The following USP4 variants were observed in gnomAD, a reference collection of about 807,000 sequenced individuals.
The protein encoded by USP4 is ubiquitin specific peptidase 4, also known as ubiquitin carboxyl-terminal hydrolase 4.
In USP4, 72 loss-of-function variants were observed where a neutral mutation model predicts 118.2. The ratio of observed to expected loss-of-function variants is 0.61; its 90% confidence interval spans 0.50 to 0.74. USP4 has a LOEUF of 0.74. USP4 is among the 30% of genes least tolerant of loss of function. The probability of loss-of-function intolerance (pLI) is 0.00; values close to 1 mark genes in which losing one functional copy is unlikely to be tolerated. For synonymous variants in USP4, 415 were observed against 440.4 expected, an observed-to-expected ratio of 0.94 and a Z score of 0.72; for missense variants, 1,037 against 1,185.7, an observed-to-expected ratio of 0.87 and a Z score of 1.84.
chr3:49,334,448 T>C (rs374818710), intron 2 of USP4, among the ~76,000 whole-genome samples: 1 of 152,140 alleles, frequency 6.6e-6, no homozygotes, highest in Non-Finnish European at 1.5e-5. Flanking sequence ...GCTGAAGCAT[T>C]GCTCAGTTTT....
chr3:49,292,087 G>A (rs968611392), intron 15 of USP4, among the ~76,000 whole-genome samples: 1 of 152,020 alleles, frequency 6.6e-6, no homozygotes, highest in Admixed American at 6.6e-5. Context: ...GATTACAGGC[G>A]TGAGCCACCA....
chr3:49,320,805 C>T (rs2047491237), intron 6 of USP4, among the ~76,000 whole-genome samples: 7 of 151,836 alleles, frequency 4.6e-5, no homozygotes, highest in Admixed American at 4.6e-4. Context: ...CTTATTTTTT[C>T]CCCCCTTCAT....
chr3:49,332,376 T>C (rs1256034339), intron 2 of USP4, among the ~76,000 whole-genome samples: 1 of 151,952 alleles, frequency 6.6e-6, no homozygotes, highest in Non-Finnish European at 1.5e-5. Context: ...GAGGATCACT[T>C]GAGCCCAGGA....
intron 8 of USP4, among the ~76,000 whole-genome samples, chr3:49,306,901 C>T (rs1286321619): frequency 6.6e-6 from 1 of 151,904 alleles, no homozygotes; most frequent in East Asian, 2.0e-4. Flanking sequence ...TCTCCTGCCT[C>T]AGCCTCCCGA....
intron 2 of USP4, 23 bp downstream of exon 2, chr3:49,335,446 T>C (rs758335594): frequency 1.2e-6 from 2 of 1,614,036 alleles, no homozygotes; most frequent in South Asian, 1.1e-5. Context: ...AATGTTTAGC[T>C]AGAAAAGCAA....
intron 19 of USP4, 134 bp downstream of exon 19, chr3:49,283,853 C>T: frequency 4.8e-6 from 5 of 1,045,656 alleles, no homozygotes; most frequent in East Asian, 2.4e-5. Flanking sequence ...TACAGCTAAA[C>T]TCTGACCTCC....
rs773669515 is a variant in USP4, at chr3:49,309,943, C to CTTTTTTTTTTTTTTTTTT, written c.954+659_954+676dup. Among the ~76,000 whole-genome samples the CTTTTTTTTTTTTTTTTTT allele has an allele frequency of 7.5e-4, 30 of 40,228 alleles. 12 individuals are homozygous for CTTTTTTTTTTTTTTTTTT. The highest frequency in any genetic ancestry group is 2.4e-3 in the African/African-American group (21 of 8,718). 26.4% of individuals were successfully genotyped at this position (40,228 alleles called of 152,430 possible). The stretch of plus-strand genomic sequence containing the variant: ...TGCTGCCCCCGGACTTTTTTTTAAT[C>CTTTTTTTTTTTTTTTTTT]TTTTTTTTTTTTTTTTTTTTTTTGA... On this transcript the variant is annotated intron_variant, in intron 8 of 21. Transcript: ENST00000265560.
rs377197473 is a variant in USP4 at position 49,301,953 on chromosome 3, C to T, written c.1287+431G>A. Among the ~76,000 whole-genome samples the T allele has an allele frequency of 4.3e-4, 65 of 152,138 alleles. 1 individual carries two copies. In the South Asian group the frequency reaches 0.013, roughly 32 times the overall value. ...GTGAGCAATAACAATCTTAGGGGTC[C>T]TCACTATAGGTACTTTACAGTTTTC... On this transcript the variant is annotated intron_variant, in intron 10 of 21. Transcript: ENST00000265560.
intron 6 of USP4, chr3:49,316,925 G>C (rs1236548725): frequency 1.6e-6 from 1 of 616,330 alleles, no homozygotes; most frequent in Non-Finnish European, 2.9e-6. Context: ...CTGTGCCCCG[G>C]GCTTGTCACT....
intron 11 of USP4, among the ~76,000 whole-genome samples, chr3:49,299,037 T>C (rs2047237377): frequency 6.6e-6 from 1 of 152,266 alleles, no homozygotes; most frequent in African/African-American, 2.4e-5. Context: ...CATCCCAAAG[T>C]GCTGGGATTA....
Position 49,310,220 on chromosome 3 carries a change from C to T in USP4, c.954+400G>A, listed in dbSNP as rs549948300. On this transcript the variant is annotated intron_variant, in intron 8 of 21. Coordinates refer to ENST00000265560, the MANE Select transcript of USP4 (RefSeq NM_003363.4). ...GATTACAGGCGTGAGCCACTGCGCC[C>T]GGCTGGGACAGCTATTTTTAGTGAA... Among the ~76,000 whole-genome samples the T allele has an allele frequency of 7.2e-5, 11 of 152,158 alleles. No homozygotes were observed. In the South Asian group the frequency reaches 1.5e-3, roughly 20 times the overall value.
At chr3:49,293,390 A>AGGT (rs1201079623) in intron 14 of USP4, among the ~76,000 whole-genome samples, 3 of 151,984 alleles carry the variant, frequency 2.0e-5, no homozygotes, top group Non-Finnish European at 4.4e-5. Context: ...TGAACCTGGG[A>AGGT]GGTGAGGGTT....
In USP4 at chr3:49,294,419, C is replaced by T; in HGVS notation, c.1871G>A (p.Cys624Tyr). The T allele has an allele frequency of 6.2e-7, 1 of 1,613,186 alleles. No individual in the cohort carries two copies. The highest frequency in any genetic ancestry group is 8.5e-7 in the Non-Finnish European group (1 of 1,179,430). The change falls in exon 14 of 22, where the codon TGT becomes TAT. Residue 624 changes from cysteine to tyrosine, a missense_variant. Cys to Tyr is a radical substitution (Grantham distance 194). Around this residue, in one of 3 missense-constraint regions of USP4, gnomAD observed 522 missense variants for 592.6 expected, o/e 0.88. Coordinates refer to ENST00000265560, the MANE Select transcript of USP4 (RefSeq NM_003363.4). ...LTLESLYQAV[C>Y]DRISRYVKQP... is the part of the protein sequence containing the mutation. ...TCCTGCCACCAACCTGATACGATCACAAACAGCCTGGTACAAAGACTCAAG... is the reference window on the plus strand; with the variant it reads ...TCCTGCCACCAACCTGATACGATCATAAACAGCCTGGTACAAAGACTCAAG...
chr3:49,281,487 T>TACACACACAC (rs1214724342), intron 19 of USP4, among the ~76,000 whole-genome samples: 1 of 113,354 alleles, frequency 8.8e-6, no homozygotes. Flanking sequence ...TATATATATA[T>TACACACACAC]ATATACACAC....
At chr3:49,294,127 AGGCACCCACCAGCATGCCT>A (rs1398333457) in intron 14 of USP4, among the ~76,000 whole-genome samples, 1 of 152,128 alleles carries the variant, frequency 6.6e-6, no homozygotes, top group Non-Finnish European at 1.5e-5. Flanking sequence ...CTGGGATTAC[AGGCACCCACCAGCATGCCT>A]GGCTAATTTT....
intron 8 of USP4, among the ~76,000 whole-genome samples, chr3:49,307,622 C>T (rs1006198122): frequency 7.9e-5 from 12 of 151,954 alleles, no homozygotes; most frequent in Non-Finnish European, 2.9e-5. Context: ...AAAACCATTG[C>T]TGGTTTGCTT....
intron 1 of USP4, among the ~76,000 whole-genome samples, chr3:49,339,703 C>T (rs2047716280): frequency 6.6e-6 from 1 of 152,154 alleles, no homozygotes; most frequent in South Asian, 2.1e-4. Context: ...CCGCCGGGCC[C>T]GCCCCCTAGG....
intron 9 of USP4, 36 bp from the exon 10 acceptor site, chr3:49,302,578 C>G: frequency 6.3e-7 from 1 of 1,593,888 alleles, no homozygotes; most frequent in East Asian, 2.2e-5. Context: ...AGGCATAATA[C>G]GTAAAGAACT....
chr3:49,305,616 T>TAA, intron 9 of USP4, 99 bp downstream of exon 9: 2 of 1,125,084 alleles, frequency 1.8e-6, no homozygotes, highest in South Asian at 2.0e-5. Flanking sequence ...GTAAATACCA[T>TAA]AAAAAAAAAT....
Sources: allele counts gnomAD v4.1 joint callset (sites outside exome capture counted in the v4.1 genomes callset), GRCh38; gene constraint gnomAD v4.1.1; regional missense constraint gnomAD v4.1.1; transcripts MANE v1.5; gene names NCBI Gene and HGNC (gene_info 2026-07-23, HGNC 2026-07-21).